The following RCAN2 variants were observed in gnomAD, a reference collection of about 807,000 sequenced individuals.
RCAN2 encodes calcipressin-2.
RCAN2 carries 9 observed loss-of-function variants against 23.6 expected under a neutral mutation model. That is an observed-to-expected ratio of 0.38 (90% CI 0.23 to 0.67). The LOEUF is 0.67. Among genes scored for constraint, RCAN2 ranks in the 30% least tolerant of loss-of-function variants. The probability of loss-of-function intolerance (pLI) is 0.51; values close to 1 mark genes in which losing one functional copy is unlikely to be tolerated. For synonymous variants in RCAN2, 109 were observed against 115.7 expected, an observed-to-expected ratio of 0.94 and a Z score of 0.37; for missense variants, 273 against 302.3, an observed-to-expected ratio of 0.90 and a Z score of 0.72.
intron 2 of RCAN2, among the ~76,000 whole-genome samples, chr6:46,364,162 G>A (rs138558836): frequency 0.012 from 1,782 of 152,158 alleles, 12 homozygotes; most frequent in Non-Finnish European, 0.018. Flanking sequence ...CAATTCTTCC[G>A]TGCAATATAT....
rs572052489 is a variant in RCAN2, at chr6:46,446,197, G to A, written c.225+10555C>T. 3.0e-3 allele frequency among the ~76,000 whole-genome samples: 451 copies of A among 150,384 alleles called. 2 individuals carry two copies. The highest frequency in any genetic ancestry group is 0.011 in the African/African-American group (440 of 41,038). ...AAAAAAGAAACATATCACACGTAAT[G>A]AAGTTCCTATAAGGCTAGCAATAGA... is the stretch of plus-strand genomic sequence containing the variant. On this transcript the variant is annotated intron_variant, in intron 2 of 4. Transcript: ENST00000371374.
At chr6:46,381,118 C>T (rs139010282) in intron 2 of RCAN2, among the ~76,000 whole-genome samples, 1 of 152,122 alleles carries the variant, frequency 6.6e-6, no homozygotes. Flanking sequence ...TGACACATTC[C>T]GTGAAGTATA....
intron 4 of RCAN2, among the ~76,000 whole-genome samples, chr6:46,239,738 C>T (rs1217204259): frequency 2.0e-5 from 3 of 152,168 alleles, no homozygotes; most frequent in South Asian, 4.2e-4. Context: ...AGAGCATACT[C>T]TGTAGTTTTG....
At chr6:46,277,914 C>G (rs745600947) in intron 2 of RCAN2, among the ~76,000 whole-genome samples, 105 of 152,114 alleles carry the variant, frequency 6.9e-4, no homozygotes, top group Non-Finnish European at 1.3e-3. Flanking sequence ...CTTCAGGTCA[C>G]TATTCTGACT....
chr6:46,484,711 A>T (rs528492953), intron 1 of RCAN2, among the ~76,000 whole-genome samples: 36 of 152,372 alleles, frequency 2.4e-4, no homozygotes, highest in Non-Finnish European at 4.3e-4. Flanking sequence ...CAGGCCACTG[A>T]TAACGGAAAC....
chr6:46,223,439 G>A (rs1247800161), intron 4 of RCAN2, 138 bp from the exon 5 acceptor site: 1 of 744,032 alleles, frequency 1.3e-6, no homozygotes. Context: ...GATGGCACAG[G>A]GTGTTGGCAA....
At chr6:46,376,419 C>T (rs1018274777) in intron 2 of RCAN2, among the ~76,000 whole-genome samples, 2 of 152,210 alleles carry the variant, frequency 1.3e-5, no homozygotes, top group Admixed American at 1.3e-4. Context: ...CTGTGGCTCA[C>T]GCCTGTAATC....
At chr6:46,223,392 T>A in intron 4 of RCAN2, 91 bp from the exon 5 acceptor site, 1 of 1,227,606 alleles carries the variant, frequency 8.1e-7, no homozygotes, top group East Asian at 2.3e-5. Flanking sequence ...ACAGGAGCAT[T>A]TTCCAGGGTC....
intron 1 of RCAN2, among the ~76,000 whole-genome samples, chr6:46,458,057 A>T (rs1768096837): frequency 6.6e-6 from 1 of 152,210 alleles, no homozygotes; most frequent in Admixed American, 6.5e-5. Context: ...AAAGTGAAAT[A>T]ACTTGCTCAT....
chr6:46,301,623 G>C (rs976600272), intron 2 of RCAN2, among the ~76,000 whole-genome samples: 7 of 152,064 alleles, frequency 4.6e-5, no homozygotes, highest in African/African-American at 7.2e-5. Context: ...TAACAAATAG[G>C]AATATATTAG....
intron 2 of RCAN2, among the ~76,000 whole-genome samples, chr6:46,383,759 C>G (rs552092931): frequency 6.6e-5 from 10 of 152,282 alleles, no homozygotes; most frequent in Admixed American, 5.2e-4. Flanking sequence ...AGATATAGAA[C>G]ATTTTAATTA....
At chr6:46,348,497 A>G (rs757931520) in intron 2 of RCAN2, among the ~76,000 whole-genome samples, 2 of 152,100 alleles carry the variant, frequency 1.3e-5, no homozygotes, top group Non-Finnish European at 2.9e-5. Context: ...TCCCTGCCCA[A>G]TCTTCCCATT....
chr6:46,382,036 TC>T (rs1307941230), intron 2 of RCAN2, among the ~76,000 whole-genome samples: 1 of 152,120 alleles, frequency 6.6e-6, no homozygotes, highest in Admixed American at 6.5e-5. Flanking sequence ...AATGCACCCT[TC>T]CTTTTCATGA....
At chr6:46,368,302 T>C (rs1025087427) in intron 2 of RCAN2, among the ~76,000 whole-genome samples, 1 of 152,222 alleles carries the variant, frequency 6.6e-6, no homozygotes, top group African/African-American at 2.4e-5. Context: ...TGCTTTACTG[T>C]TGCACTCTAC....
chr6:46,480,649 G>A (rs1383381095), intron 1 of RCAN2, among the ~76,000 whole-genome samples: 1 of 151,584 alleles, frequency 6.6e-6, no homozygotes, highest in Non-Finnish European at 1.5e-5. Context: ...TTTTGAGACG[G>A]AGTCTTCGAT....
Position 46,246,922 on chromosome 6 carries a change from T to C in RCAN2, c.400-3A>G. On this transcript the variant is annotated splice_region_variant and splice_polypyrimidine_tract_variant and intron_variant, in intron 3 of 4. Coordinates refer to ENST00000371374, the MANE Select transcript of RCAN2 (RefSeq NM_001251974.2). ...CCATCTGTCTCTGGAGTCTGAACCT[T>C]TCAAATAGAGTAGAGATGAAGAAAC... The C allele has an allele frequency of 6.5e-7, 1 of 1,537,098 alleles. No homozygotes were observed. Among genetic ancestry groups the C allele is most frequent in the Non-Finnish European group, 8.8e-7 (1 of 1,140,886 alleles).
chr6:46,224,639 C>T (rs950920455), intron 4 of RCAN2, among the ~76,000 whole-genome samples: 1 of 152,186 alleles, frequency 6.6e-6, no homozygotes, highest in Admixed American at 6.5e-5. Flanking sequence ...CCCGATGCAG[C>T]CCAGGAATCT....
intron 2 of RCAN2, among the ~76,000 whole-genome samples, chr6:46,342,109 T>C (rs1186677745): frequency 1.3e-5 from 2 of 152,088 alleles, no homozygotes; most frequent in Middle Eastern, 3.2e-3. Context: ...TTGAGTGTAG[T>C]GTTAGAGTGT....
At chr6:46,429,179 C>A (rs1455860824) in intron 2 of RCAN2, among the ~76,000 whole-genome samples, 2 of 152,292 alleles carry the variant, frequency 1.3e-5, no homozygotes, top group South Asian at 2.1e-4. Flanking sequence ...GAGTCCTTCA[C>A]AGAAATGCAC....
Sources: gnomAD v4.1 joint callset for allele counts (sites outside exome capture counted in the v4.1 genomes callset) on GRCh38, gnomAD v4.1.1 for gene constraint, MANE v1.5 for transcripts, NCBI Gene and HGNC (gene_info 2026-07-23, HGNC 2026-07-21) for gene names.